VMA21: variants seen among roughly 807,000 people sequenced by gnomAD.
The protein encoded by VMA21 is vacuolar ATPase assembly integral membrane protein VMA21.
For missense variants in VMA21, 61 were observed against 80.6 expected (o/e 0.76, Z 0.93); for synonymous variants, 47 against 34.1 (o/e 1.38, Z -1.32).
chrX:151,404,585 AT>A (rs1373743454), intron 2 of VMA21, among the ~76,000 whole-genome samples: 1 of 106,885 alleles, frequency 9.4e-6, no homozygotes, highest in Non-Finnish European at 1.9e-5. Flanking sequence ...CGCCTGGCTA[AT>A]TTTTTTTGTA....
rs895975885 is a variant in VMA21, at chrX:151,408,167, C to G, written c.*3109C>G. On this transcript the variant is annotated 3_prime_UTR_variant, in exon 3 of 3. Coordinates refer to ENST00000330374, the MANE Select transcript of VMA21 (RefSeq NM_001017980.4). Reference sequence around the variant, plus strand: ...TCCGCCTCCCAAAGTGCTGGGATTACAGGTATCAGCCACCGTGCCTGGCCT... The same window carrying G: ...TCCGCCTCCCAAAGTGCTGGGATTAGAGGTATCAGCCACCGTGCCTGGCCT... 9.0e-6 allele frequency: 1 copy of G among 111,524 alleles called. No homozygotes were observed. The highest frequency in any genetic ancestry group is 9.5e-5 in the Admixed American group (1 of 10,522). The allele number at this position is 111,524 out of a possible 1,213,427, so 9.2% of individuals were successfully genotyped here.
intron 1 of VMA21, among the ~76,000 whole-genome samples, chrX:151,403,270 T>A (rs777203940): frequency 8.9e-6 from 1 of 112,403 alleles, no homozygotes; most frequent in Non-Finnish European, 1.9e-5. Flanking sequence ...TGGGCACTGG[T>A]GCCGCTGTCC....
chrX:151,404,409 ATGTT>A (rs760438578), intron 2 of VMA21, among the ~76,000 whole-genome samples: 16 of 109,498 alleles, frequency 1.5e-4, no homozygotes, highest in African/African-American at 3.7e-4. Context: ...GTTTAAAACA[ATGTT>A]TGTTTGTTTG....
At chrX:151,403,024 A>T (rs5969791) in intron 1 of VMA21, among the ~76,000 whole-genome samples, 1 of 107,123 alleles carries the variant, frequency 9.3e-6, no homozygotes. Context: ...CTCAGGGACC[A>T]GTGTGACAGT....
rs922545389 is a variant in VMA21, at chrX:151,408,334, G to T, written c.*3276G>T. 1.8e-5 allele frequency: 2 copies of T among 112,082 alleles called. No individual in the cohort carries two copies. The highest frequency in any genetic ancestry group is 6.5e-5 in the African/African-American group (2 of 30,801). 9.2% of individuals were successfully genotyped at this position (112,082 alleles called of 1,213,427 possible). A position where few individuals can be genotyped will look rare whatever the true frequency, so the allele number is the denominator to read the frequency against. ...ATACCCAAGGAGACCACTAAAATCAGTTAAACAAGTAGGGTATATACAAAG... is the reference window on the plus strand; with the variant it reads ...ATACCCAAGGAGACCACTAAAATCATTTAAACAAGTAGGGTATATACAAAG... On this transcript the variant is annotated 3_prime_UTR_variant, in exon 3 of 3. Transcript: ENST00000330374.
intron 1 of VMA21, among the ~76,000 whole-genome samples, chrX:151,400,171 A>G (rs768467700): frequency 1.3e-4 from 14 of 109,213 alleles, no homozygotes; most frequent in African/African-American, 4.7e-4. Flanking sequence ...CCTTTGATGT[A>G]TATCTTCCTA....
intron 1 of VMA21, among the ~76,000 whole-genome samples, chrX:151,397,913 A>G (rs1297458236): frequency 1.8e-5 from 2 of 111,618 alleles, no homozygotes; most frequent in African/African-American, 6.5e-5. Context: ...GTTAGCTATC[A>G]TTCGTTAAGA....
chrX:151,396,999 G>A (rs2011194567), upstream of VMA21: 3 of 519,372 alleles, frequency 5.8e-6, no homozygotes, highest in Non-Finnish European at 7.0e-6. Flanking sequence ...CTACTCGCCA[G>A]GCCTGCTCCT....
rs952039069 is a variant in VMA21 at position 151,397,235 on chromosome X, C to A, written c.-74C>A. On this transcript the variant is annotated 5_prime_UTR_variant, in exon 1 of 3. Transcript: ENST00000330374. ...CCGGTGCGAACCGCCTCGGCCGTTC[C>A]CTCGCGGAGCTTACTGAGCGCGGCC... 19 of 1,093,291 alleles carry A rather than the reference C, an allele frequency of 1.7e-5. No homozygotes were observed. The highest frequency in any genetic ancestry group is 2.3e-5 in the Non-Finnish European group (19 of 823,412). 90.1% of individuals were successfully genotyped at this position (1,093,291 alleles called of 1,213,427 possible).
At chrX:151,402,928 G>A (rs193138921) in intron 1 of VMA21, among the ~76,000 whole-genome samples, 88 of 109,699 alleles carry the variant, frequency 8.0e-4, no homozygotes, top group African/African-American at 2.8e-3. Context: ...CGATTCCAGC[G>A]GGAGAGGGCA....
rs1455397984 is a variant in VMA21, at chrX:151,406,612, C to T, written c.*1554C>T. ...TCCAGGCTAATCTTGAACTTGTGACCTCAGGTGATCCACCCGCCTCGGCCT... is the reference window on the plus strand; with the variant it reads ...TCCAGGCTAATCTTGAACTTGTGACTTCAGGTGATCCACCCGCCTCGGCCT... On this transcript the variant is annotated 3_prime_UTR_variant, in exon 3 of 3. Transcript: ENST00000330374. 9.0e-6 allele frequency: 1 copy of T among 111,176 alleles called. No homozygotes were observed. The highest frequency in any genetic ancestry group is 1.9e-5 in the Non-Finnish European group (1 of 53,030). The allele number at this position is 111,176 out of a possible 1,213,427, so 9.2% of individuals were successfully genotyped here. A position where few individuals can be genotyped will look rare whatever the true frequency, so the allele number is the denominator to read the frequency against.
exon 1 of VMA21, chrX:151,397,195 CGCGAACCGCTACTTCCGGT>C: frequency 1.1e-6 from 1 of 887,893 alleles, no homozygotes; most frequent in Non-Finnish European, 1.5e-6. Context: ...GCACTTCCGG[CGCGAACCGCTACTTCCGGT>C]GCGAACCGCC....
Position 151,405,356 on chromosome X carries a change from A to G in VMA21, c.*298A>G, listed in dbSNP as rs2011279548. On this transcript the variant is annotated 3_prime_UTR_variant, in exon 3 of 3. Transcript: ENST00000330374. Reference sequence around the variant, plus strand: ...CTTTCAACAAAACATGTTTTATAGTATTCTGACTTACGGTTGCTTTTGAGT... The same window carrying G: ...CTTTCAACAAAACATGTTTTATAGTGTTCTGACTTACGGTTGCTTTTGAGT... 1 of 223,983 alleles carries G rather than the reference A, an allele frequency of 4.5e-6. No individual in the cohort carries two copies. The highest frequency in any genetic ancestry group is 7.9e-6 in the Non-Finnish European group (1 of 125,797). The allele number at this position is 223,983 out of a possible 1,213,427, so 18.5% of individuals were successfully genotyped here.
chrX:151,404,332 C>T (rs917034036), intron 2 of VMA21, among the ~76,000 whole-genome samples: 4 of 112,483 alleles, frequency 3.6e-5, no homozygotes, highest in Admixed American at 1.9e-4. Flanking sequence ...GCCTCGGCCT[C>T]CCAGAGTGCT....
Position 151,405,025 on chromosome X carries a change from C to T in VMA21, c.273C>T (p.Gly91=), listed in dbSNP as rs761515081. ...ALFVYVAWNE[G]SRQWREGKQD Reference sequence around the variant, plus strand: ...TTGTGTATGTGGCCTGGAATGAAGGCTCACGACAGTGGCGTGAAGGCAAAC... The same window carrying T: ...TTGTGTATGTGGCCTGGAATGAAGGTTCACGACAGTGGCGTGAAGGCAAAC... The change falls in exon 3 of 3, where the codon GGC becomes GGT. Residue 91 remains glycine (G), a synonymous_variant. Transcript: ENST00000330374. 3.3e-6 allele frequency: 4 copies of T among 1,209,028 alleles called. No homozygotes were observed. In the East Asian group the frequency reaches 1.2e-4, roughly 36 times the overall value.
Position 151,397,250 on chromosome X carries a change from T to TGAGCGCGGCCGCC in VMA21, c.-54_-42dup. On this transcript the variant is annotated 5_prime_UTR_variant, in exon 1 of 3. Transcript: ENST00000330374. ...TCGGCCGTTCCCTCGCGGAGCTTACTGAGCGCGGCCGCCGAGCCCAGCTCC... is the reference window on the plus strand; with the variant it reads ...TCGGCCGTTCCCTCGCGGAGCTTACTGAGCGCGGCCGCCGAGCGCGGCCGCCGAGCCCAGCTCC... The TGAGCGCGGCCGCC allele has an allele frequency of 1.8e-6, 2 of 1,131,583 alleles. No homozygotes were observed. The highest frequency in any genetic ancestry group is 2.6e-5 in the Admixed American group (1 of 38,189). The allele number at this position is 1,131,583 out of a possible 1,213,427, so 93.3% of individuals were successfully genotyped here. A position where few individuals can be genotyped will look rare whatever the true frequency, so the allele number is the denominator to read the frequency against.
In VMA21 at chrX:151,406,353, A is replaced by AT. The variant is rs1316430412; in HGVS notation, c.*1299dup. 2.6e-4 allele frequency: 29 copies of AT among 110,416 alleles called. No homozygotes were observed. The Admixed American group carries it at 2.8e-3, about 11-fold the overall frequency. The allele number at this position is 110,416 out of a possible 1,213,427, so 9.1% of individuals were successfully genotyped here. On this transcript the variant is annotated 3_prime_UTR_variant, in exon 3 of 3. Transcript: ENST00000330374. Reference sequence around the variant, plus strand: ...TTTTTCAGATGAGTGATTATTGGCCATTTTCTTTTTCTTTTTCTTTATTTT... The same window carrying AT: ...TTTTTCAGATGAGTGATTATTGGCCATTTTTCTTTTTCTTTTTCTTTATTTT...
chrX:151,397,504 T>A, intron 1 of VMA21, 143 bp downstream of exon 1: 4 of 716,225 alleles, frequency 5.6e-6, no homozygotes, highest in Middle Eastern at 3.8e-4. Context: ...GGAAAGCAGG[T>A]TGGAGCCTGA....
upstream of VMA21, chrX:151,396,818 G>C (rs768816986): frequency 2.0e-6 from 1 of 509,839 alleles, no homozygotes; most frequent in African/African-American, 2.4e-5. Context: ...CCTCTGGCTG[G>C]TAGTCCCTCT....
Sources: gnomAD v4.1 joint callset for allele counts (sites outside exome capture counted in the v4.1 genomes callset) on GRCh38, gnomAD v4.1.1 for gene constraint, MANE v1.5 for transcripts, NCBI Gene and HGNC (gene_info 2026-07-23, HGNC 2026-07-21) for gene names.